The following ZNF827 variants were observed in gnomAD, a reference collection of about 807,000 sequenced individuals.
ZNF827 encodes the protein zinc finger protein 827.
ZNF827 carries 13 observed loss-of-function variants against 102.4 expected under a neutral mutation model. That is an observed-to-expected ratio of 0.13 (90% CI 0.08 to 0.20). ZNF827 has a LOEUF of 0.20. Ranked by LOEUF, ZNF827 falls within the 10% of genes least tolerant of loss-of-function variation. The pLI is 1.00. For synonymous variants in ZNF827, 523 were observed against 536.2 expected (o/e 0.98, Z 0.34); for missense variants, 1,103 against 1,344.4 (o/e 0.82, Z 2.81).
At chr4:145,796,913 G>T (rs780773600) in intron 8 of ZNF827, among the ~76,000 whole-genome samples, 2 of 152,186 alleles carry the variant, frequency 1.3e-5, no homozygotes, top group African/African-American at 2.4e-5. Flanking sequence ...TTACTGGCAT[G>T]AGCCAGCGTG....
chr4:145,896,279 T>C (rs1476975484), intron 2 of ZNF827, among the ~76,000 whole-genome samples: 4 of 152,182 alleles, frequency 2.6e-5, no homozygotes, highest in African/African-American at 9.7e-5. Context: ...GTTCAGAGCT[T>C]GGCCCAACGT....
At chr4:145,781,195 C>CAAAAAAAAAAAAAAAAAAAAAAA (rs10605153) in intron 8 of ZNF827, among the ~76,000 whole-genome samples, 85 of 56,554 alleles carry the variant, frequency 1.5e-3, no homozygotes, top group East Asian at 4.1e-3. Context: ...GACACCATCT[C>CAAAAAAAAAAAAAAAAAAAAAAA]AAAAAAAAAA....
chr4:145,790,417 G>A (rs896089282), intron 8 of ZNF827, among the ~76,000 whole-genome samples: 11 of 152,242 alleles, frequency 7.2e-5, no homozygotes, highest in Middle Eastern at 3.4e-3. Context: ...GAAATACTCT[G>A]AGTTTAGAAA....
intron 5 of ZNF827, among the ~76,000 whole-genome samples, chr4:145,859,396 C>A (rs1747489598): frequency 6.6e-6 from 1 of 152,068 alleles, no homozygotes; most frequent in Non-Finnish European, 1.5e-5. Context: ...CATTTAAACC[C>A]CCAAGAAATC....
intron 1 of ZNF827, among the ~76,000 whole-genome samples, chr4:145,906,517 C>G (rs1459587396): frequency 6.6e-6 from 1 of 152,104 alleles, no homozygotes; most frequent in Non-Finnish European, 1.5e-5. Context: ...TTTCCTAACC[C>G]CCTCCACACC....
At position 145,919,066 on chromosome 4, in the gene ZNF827, G is replaced by A. The variant is rs537797772; in HGVS notation, c.44-15851C>T. Among the ~76,000 whole-genome samples, 11 of 152,134 alleles carry A rather than the reference G, an allele frequency of 7.2e-5. No individual in the cohort carries two copies. In the East Asian group the frequency reaches 2.1e-3, roughly 29 times the overall value. On this transcript the variant is annotated intron_variant, in intron 1 of 14. Coordinates refer to ENST00000508784, the MANE Select transcript of ZNF827 (RefSeq NM_001306215.2). ...GGCCAGGAGTTTTGAGACCAGCCTG[G>A]GCAACATAGCAAGACTCCCATCTCT...
At chr4:145,853,082 C>T (rs1746695344) in intron 5 of ZNF827, among the ~76,000 whole-genome samples, 1 of 152,238 alleles carries the variant, frequency 6.6e-6, no homozygotes, top group African/African-American at 2.4e-5. Flanking sequence ...TCAATCACCA[C>T]ACAAGACAAA....
chr4:145,885,638 GA>G lies in ZNF827; in HGVS notation c.1747+39del, dbSNP rs775810581. 6.0e-6 allele frequency: 9 copies of G among 1,504,796 alleles called. No homozygotes were observed. The African/African-American group carries it at 8.4e-5, about 14-fold the overall frequency. The allele number at this position is 1,504,796 out of a possible 1,614,324, so 93.2% of individuals were successfully genotyped here. Reference sequence around the variant, plus strand: ...AGAGAGAGAGAGAGAGAGAGAGAGAGAGAGAGAGAGAGAGAGAGAATACAAC... The same window carrying G: ...AGAGAGAGAGAGAGAGAGAGAGAGAGGAGAGAGAGAGAGAGAGAATACAAC... On this transcript the variant is annotated intron_variant, in intron 4 of 14. Transcript: ENST00000508784.
chr4:145,916,449 G>A (rs915420640), intron 1 of ZNF827, among the ~76,000 whole-genome samples: 1 of 152,156 alleles, frequency 6.6e-6, no homozygotes, highest in Non-Finnish European at 1.5e-5. Flanking sequence ...GTGTCTCAAG[G>A]GCACCCGAGG....
chr4:145,913,956 C>G (rs1019176883), intron 1 of ZNF827, among the ~76,000 whole-genome samples: 3 of 152,062 alleles, frequency 2.0e-5, no homozygotes, highest in African/African-American at 7.2e-5. Context: ...ATAGCCCTAA[C>G]CATATAACAA....
rs1355563604 is a variant in ZNF827 at position 145,759,909 on chromosome 4, T to C, written c.*1707A>G. ...AATTAATACATCTCATATATATATA[T>C]AATCTGCCCTTAAAAAATGATGCAC... On this transcript the variant is annotated 3_prime_UTR_variant, in exon 15 of 15. Transcript: ENST00000508784. The C allele has an allele frequency of 6.6e-6, 1 of 152,204 alleles. No individual in the cohort carries two copies. Among genetic ancestry groups the C allele is most frequent in the Non-Finnish European group, 1.5e-5 (1 of 68,032 alleles). The allele number at this position is 152,204 out of a possible 1,614,324, so 9.4% of individuals were successfully genotyped here. A position where few individuals can be genotyped will look rare whatever the true frequency, so the allele number is the denominator to read the frequency against.
chr4:145,801,705 A>T (rs1419761310), intron 8 of ZNF827, among the ~76,000 whole-genome samples: 1 of 152,216 alleles, frequency 6.6e-6, no homozygotes, highest in Non-Finnish European at 1.5e-5. Flanking sequence ...GTTCATTTTC[A>T]TCAACATTAG....
intron 5 of ZNF827, 66 bp downstream of exon 5, chr4:145,870,179 G>T: frequency 6.8e-7 from 1 of 1,480,872 alleles, no homozygotes. Flanking sequence ...ACCCATGCAG[G>T]AAGCAGTCCA....
At chr4:145,813,211 G>A (rs1005088962) in intron 8 of ZNF827, among the ~76,000 whole-genome samples, 13 of 152,120 alleles carry the variant, frequency 8.5e-5, no homozygotes, top group African/African-American at 2.4e-4. Context: ...CTCACAGTAC[G>A]TCACAGCAGC....
intron 2 of ZNF827, among the ~76,000 whole-genome samples, chr4:145,900,349 C>T (rs1209249464): frequency 1.3e-5 from 2 of 152,088 alleles, no homozygotes; most frequent in Admixed American, 6.5e-5. Context: ...ATACTAGAAA[C>T]GCCATTCACA....
intron 1 of ZNF827, among the ~76,000 whole-genome samples, chr4:145,909,469 C>A (rs1287410673): frequency 6.6e-6 from 1 of 152,246 alleles, no homozygotes; most frequent in African/African-American, 2.4e-5. Context: ...GGCTGAAAAC[C>A]TGGCTGCAAC....
At chr4:145,930,838 C>CGTGTGT (rs145667788) in intron 1 of ZNF827, among the ~76,000 whole-genome samples, 19 of 151,122 alleles carry the variant, frequency 1.3e-4, no homozygotes, top group African/African-American at 4.4e-4. Flanking sequence ...TGTGTGTGTG[C>CGTGTGT]GTGTGTGTGT....
In ZNF827 at chr4:145,764,075, C is replaced by T. The variant is rs757164610; in HGVS notation, c.3230+913G>A. ...TCTGGCAGGTTGTGCGTTTCAATGACGAACATGTTTTAAAACAAAAGGTTT... is the reference window on the plus strand; with the variant it reads ...TCTGGCAGGTTGTGCGTTTCAATGATGAACATGTTTTAAAACAAAAGGTTT... On this transcript the variant is annotated intron_variant, in intron 13 of 14. Coordinates refer to ENST00000508784, the MANE Select transcript of ZNF827 (RefSeq NM_001306215.2). Among the ~76,000 whole-genome samples the T allele has an allele frequency of 4.6e-5, 7 of 152,144 alleles. No individual in the cohort carries two copies. The East Asian group carries it at 7.7e-4, about 17-fold the overall frequency.
intron 8 of ZNF827, among the ~76,000 whole-genome samples, chr4:145,793,764 T>C (rs990967210): frequency 1.4e-4 from 22 of 152,160 alleles, no homozygotes; most frequent in African/African-American, 5.3e-4. Flanking sequence ...ACCTCTAACT[T>C]TGATGTTAAA....
Sources: gnomAD v4.1 joint callset for allele counts (sites outside exome capture counted in the v4.1 genomes callset) on GRCh38, gnomAD v4.1.1 for gene constraint, MANE v1.5 for transcripts, NCBI Gene and HGNC (gene_info 2026-07-23, HGNC 2026-07-21) for gene names.